The following LAMA4 variants were observed in gnomAD, a reference collection of about 807,000 sequenced individuals.
The protein encoded by LAMA4 is laminin subunit alpha 4.
Under a neutral mutation model 207.1 loss-of-function variants are expected in LAMA4, and 127 were observed. The ratio of observed to expected loss-of-function variants is 0.61; its 90% CI spans 0.53 to 0.71. LAMA4 has a LOEUF of 0.71. LAMA4 is among the 30% of genes least tolerant of loss of function. The pLI, the probability that LAMA4 is intolerant of heterozygous loss-of-function variation, is 0.00. For missense variants in LAMA4, 2,093 were observed against 2,246.5 expected (o/e 0.93, Z 1.38); for synonymous variants, 761 against 816.0 (o/e 0.93, Z 1.15).
At chr6:112,220,604 T>C (rs1044003360) in intron 2 of LAMA4, among the ~76,000 whole-genome samples, 12 of 152,060 alleles carry the variant, frequency 7.9e-5, no homozygotes, top group African/African-American at 2.2e-4. Context: ...AAGATATAGT[T>C]ATAATGAATT....
At chr6:112,212,912 A>G (rs1784431876) in intron 3 of LAMA4, among the ~76,000 whole-genome samples, 1 of 152,194 alleles carries the variant, frequency 6.6e-6, no homozygotes, top group African/African-American at 2.4e-5. Context: ...AATAAAATAG[A>G]GTTCAAAAAT....
At chr6:112,183,950 CAAAAAAAAAAAA>C (rs782424211) in intron 9 of LAMA4, among the ~76,000 whole-genome samples, 1 of 81,734 alleles carries the variant, frequency 1.2e-5, no homozygotes, top group African/African-American at 4.6e-5. Flanking sequence ...GACTCCATCT[CAAAAAAAAAAAA>C]AAAAAAAGAA....
At chr6:112,201,974 T>C (rs1399902873) in intron 4 of LAMA4, among the ~76,000 whole-genome samples, 15 of 152,352 alleles carry the variant, frequency 9.8e-5, no homozygotes, top group African/African-American at 3.4e-4. Context: ...GATCAAATTC[T>C]ACCTGCAATT....
Position 112,201,327 on chromosome 6 carries a change from G to A in LAMA4, c.503+281C>T, listed in dbSNP as rs117143217. Among the ~76,000 whole-genome samples the A allele has an allele frequency of 4.1e-3, 625 of 152,334 alleles. 17 individuals are homozygous for A. In the East Asian group the frequency reaches 0.091, roughly 22 times the overall value. ...AAGAGTACTACCAAAACCATCTAGA[G>A]AATCTTTTCAAAATACACATCCTCA... On this transcript the variant is annotated intron_variant, in intron 5 of 38. Transcript: ENST00000230538.
chr6:112,129,872 A>G lies in LAMA4; in HGVS notation c.4133+4T>C. 1 of 1,563,330 alleles carries G rather than the reference A, an allele frequency of 6.4e-7. No homozygotes were observed. The highest frequency in any genetic ancestry group is 8.7e-7 in the Non-Finnish European group (1 of 1,147,558). ...CAGATTCATTAATAATAAAAATATT[A>G]TACCTGGTAAAGTAGGCATTACTTA... On this transcript the variant is annotated splice_donor_region_variant and intron_variant, in intron 30 of 38. Coordinates refer to ENST00000230538, the MANE Select transcript of LAMA4 (RefSeq NM_001105206.3).
chr6:112,231,877 GTGTT>G (rs1785587326), intron 2 of LAMA4, among the ~76,000 whole-genome samples: 1 of 152,140 alleles, frequency 6.6e-6, no homozygotes, highest in South Asian at 2.1e-4. Context: ...ACCCCACAGA[GTGTT>G]TGTAACCCGT....
chr6:112,136,178 A>G lies in LAMA4; in HGVS notation c.3359T>C (p.Val1120Ala), dbSNP rs368746835. 2 of 1,612,606 alleles carry G rather than the reference A, an allele frequency of 1.2e-6. No individual in the cohort carries two copies. The highest frequency in any genetic ancestry group is 1.7e-6 in the Non-Finnish European group (2 of 1,178,878). ...FYDFGFSGGP[V>A]HLEDTLKKAQ... ...TTTCTTTAACGTATCTTCAAGATGC[A>G]CAGGGCCACCGCTGAATCCAAAATC... Residue 1120 changes from valine to alanine, a missense_variant, in exon 25 of 39, where the codon GTG becomes GCG. Physicochemically the swap from Val to Ala is moderately conservative, Grantham distance 64 (BLOSUM62 0). Transcript: ENST00000230538.
rs183188088 is a variant in LAMA4 at position 112,245,473 on chromosome 6, T to G, written c.195+8483A>C. On this transcript the variant is annotated intron_variant, in intron 2 of 38. Transcript: ENST00000230538. Reference sequence around the variant, plus strand: ...TCACTTTGTACATAGACAACAGTGTTCCATGTAATAGTTGTGTGTGTGAGG... The same window carrying G: ...TCACTTTGTACATAGACAACAGTGTGCCATGTAATAGTTGTGTGTGTGAGG... Among the ~76,000 whole-genome samples the G allele has an allele frequency of 9.5e-4, 144 of 152,354 alleles. 2 individuals carry two copies. The highest frequency in any genetic ancestry group is 1.3e-3 in the Non-Finnish European group (88 of 68,020).
chr6:112,227,102 C>A (rs1235074927), intron 2 of LAMA4, among the ~76,000 whole-genome samples: 2 of 150,938 alleles, frequency 1.3e-5, no homozygotes, highest in South Asian at 2.1e-4. Flanking sequence ...GACGGAGTCT[C>A]GCTCTGTTGC....
At chr6:112,145,005 T>C (rs2114722593) in intron 18 of LAMA4, 72 bp from the exon 19 acceptor site, 1 of 1,322,822 alleles carries the variant, frequency 7.6e-7, no homozygotes, top group South Asian at 1.2e-5. Context: ...ATGTAGACAA[T>C]AAACATGGAT....
chr6:112,187,501 G>A lies in LAMA4; in HGVS notation c.915C>T (p.Ala305=), dbSNP rs2114940597. 1 of 1,614,060 alleles carries A rather than the reference G, an allele frequency of 6.2e-7. No homozygotes were observed. The highest frequency in any genetic ancestry group is 8.5e-7 in the Non-Finnish European group (1 of 1,179,980). The change falls in exon 8 of 39, where the codon GCC becomes GCT. Residue 305 remains alanine, a synonymous_variant. Transcript: ENST00000230538. ...TTTCATTCACGTGCCTATGAGCGGCGGCCCCAGAGGATACGCTCAGCACCC... is the reference window on the plus strand; with the variant it reads ...TTTCATTCACGTGCCTATGAGCGGCAGCCCCAGAGGATACGCTCAGCACCC... The part of the protein sequence containing the change: ...KSGVLSVSSG[A]AAHRHVNEIN...
intron 18 of LAMA4, among the ~76,000 whole-genome samples, chr6:112,146,602 C>G (rs1780045712): frequency 7.2e-6 from 1 of 139,006 alleles, no homozygotes; most frequent in Non-Finnish European, 1.7e-5. Context: ...GAGGTATTCT[C>G]TTTCCTAAGG....
chr6:112,214,062 G>T (rs367824608), intron 3 of LAMA4: 2 of 760,158 alleles, frequency 2.6e-6, no homozygotes, highest in African/African-American at 1.7e-5. Context: ...GGTCTTCTCC[G>T]TCAGTAGTCT....
chr6:112,143,395 G>A (rs369837054), intron 19 of LAMA4, among the ~76,000 whole-genome samples: 1 of 149,708 alleles, frequency 6.7e-6, no homozygotes, highest in African/African-American at 2.5e-5. Context: ...AACAATGCTC[G>A]TGCCTCAGCC....
chr6:112,253,857 GGGAGAGGAAAGAGGC>G, intron 2 of LAMA4, 84 bp downstream of exon 2: 1 of 1,614,242 alleles, frequency 6.2e-7, no homozygotes, highest in Non-Finnish European at 8.5e-7. Flanking sequence ...CAAGGCACTG[GGGAGAGGAAAGAGGC>G]GGAGAGAGAG....
rs1349788538 is a variant in LAMA4 at position 112,109,344 on chromosome 6, C to T, written c.*93G>A. 7.2e-7 allele frequency: 1 copy of T among 1,380,698 alleles called. No homozygotes were observed. Among genetic ancestry groups the T allele is most frequent in the African/African-American group, 1.4e-5 (1 of 70,130 alleles). The allele number at this position is 1,380,698 out of a possible 1,614,324, so 85.5% of individuals were successfully genotyped here. A position where few individuals can be genotyped will look rare whatever the true frequency, so the allele number is the denominator to read the frequency against. ...CTGTTCAACTCGATGAAAGCTTCCACCCGAAGGAAGAGTTACTGTTCCTCC... is the reference window on the plus strand; with the variant it reads ...CTGTTCAACTCGATGAAAGCTTCCATCCGAAGGAAGAGTTACTGTTCCTCC... On this transcript the variant is annotated 3_prime_UTR_variant, in exon 39 of 39. Coordinates refer to ENST00000230538, the MANE Select transcript of LAMA4 (RefSeq NM_001105206.3).
intron 2 of LAMA4, among the ~76,000 whole-genome samples, chr6:112,244,702 T>A (rs1786784178): frequency 6.6e-6 from 1 of 152,148 alleles, no homozygotes; most frequent in African/African-American, 2.4e-5. Context: ...CACCCACACC[T>A]CCCCTCTCTT....
intron 8 of LAMA4, 33 bp from the exon 9 acceptor site, chr6:112,185,380 G>A (rs781840703): frequency 3.0e-5 from 38 of 1,247,404 alleles, no homozygotes; most frequent in Non-Finnish European, 4.0e-5. Flanking sequence ...AATAGTCAAT[G>A]GGCACACCAG....
At chr6:112,123,620 T>A (rs1554326719) in intron 31 of LAMA4, among the ~76,000 whole-genome samples, 1 of 152,184 alleles carries the variant, frequency 6.6e-6, no homozygotes, top group African/African-American at 2.4e-5. Flanking sequence ...CTAGATCTGA[T>A]TTTGGGCAGA....
Sources: gnomAD v4.1 joint callset for allele counts (sites outside exome capture counted in the v4.1 genomes callset) on GRCh38, gnomAD v4.1.1 for gene constraint, MANE v1.5 for transcripts, NCBI Gene and HGNC (gene_info 2026-07-23, HGNC 2026-07-21) for gene names.